GRID1: variants seen among roughly 807,000 people sequenced by gnomAD.
GRID1 encodes the protein glutamate receptor ionotropic, delta-1.
In GRID1, 28 loss-of-function variants were observed where a neutral mutation model predicts 98.0. The observed-to-expected ratio is 0.29, with a 90% CI of 0.21 to 0.39. The LOEUF (loss-of-function observed/expected upper bound fraction) is 0.39. GRID1 is among the 10% of genes least tolerant of loss of function. The pLI is 1.00. For missense variants in GRID1, 1,111 were observed against 1,340.5 expected (o/e 0.83, Z 2.67); for synonymous variants, 553 against 538.5 (o/e 1.03, Z -0.37).
At chr10:86,132,360 C>T (rs1248496399) in intron 4 of GRID1, among the ~76,000 whole-genome samples, 1 of 152,184 alleles carries the variant, frequency 6.6e-6, no homozygotes, top group African/African-American at 2.4e-5. Context: ...AGTTCCAAGC[C>T]CATCTGAACA....
rs114980493 is a variant in GRID1, at chr10:85,953,075, A to T, written c.727-36836T>A. Reference sequence around the variant, plus strand: ...GTATGTGTTAATTTTTTATATTATCAGTAAGGTTTCTTATCAACAGTAACC... The same window carrying T: ...GTATGTGTTAATTTTTTATATTATCTGTAAGGTTTCTTATCAACAGTAACC... On this transcript the variant is annotated intron_variant, in intron 4 of 15. Coordinates refer to ENST00000327946, the MANE Select transcript of GRID1 (RefSeq NM_017551.3). Among the ~76,000 whole-genome samples, 565 of 152,274 alleles carry T rather than the reference A, an allele frequency of 3.7e-3. 3 individuals are homozygous for T. Among genetic ancestry groups the T allele is most frequent in the African/African-American group, 0.013 (540 of 41,544 alleles).
At chr10:85,958,182 T>C (rs1291826985) in intron 4 of GRID1, among the ~76,000 whole-genome samples, 2 of 152,222 alleles carry the variant, frequency 1.3e-5, no homozygotes, top group African/African-American at 4.8e-5. Context: ...TTACTGCAGT[T>C]TGAATTTTAC....
At chr10:85,956,409 C>T (rs549963052) in intron 4 of GRID1, among the ~76,000 whole-genome samples, 1 of 152,348 alleles carries the variant, frequency 6.6e-6, no homozygotes, top group Non-Finnish European at 1.5e-5. Flanking sequence ...TGCCAATGCT[C>T]ATTCCTTTCA....
At chr10:85,932,413 A>G (rs936374362) in intron 4 of GRID1, among the ~76,000 whole-genome samples, 3 of 152,084 alleles carry the variant, frequency 2.0e-5, no homozygotes, top group African/African-American at 7.2e-5. Flanking sequence ...ATGGAGTCTC[A>G]TTATGTTACC....
intron 3 of GRID1, among the ~76,000 whole-genome samples, chr10:86,154,257 T>C (rs1418036912): frequency 6.6e-6 from 1 of 152,074 alleles, no homozygotes; most frequent in Non-Finnish European, 1.5e-5. Flanking sequence ...GCTTATGAAG[T>C]CCCTTCTTTG....
In GRID1 at chr10:85,619,986, T is replaced by G. The variant is rs780946417; in HGVS notation, c.2241A>C (p.Glu747Asp). The G allele has an allele frequency of 6.2e-7, 1 of 1,614,026 alleles. No homozygotes were observed. Among genetic ancestry groups the G allele is most frequent in the Non-Finnish European group, 8.5e-7 (1 of 1,179,858 alleles). ...AGTCGTCATCCGTCAGGGCTGCGTATTCCACCACGGCCACATCCCACAGGA... is the reference window on the plus strand; with the variant it reads ...AGTCGTCATCCGTCAGGGCTGCGTAGTCCACCACGGCCACATCCCACAGGA... Reference protein sequence around the residue: ...YAFLWDVAVVEYAALTDDDCS... With the variant: ...YAFLWDVAVVDYAALTDDDCS... Residue 747 changes from glutamate (E) to aspartate (D), a missense_variant, in exon 14 of 16, where the codon GAA becomes GAC. Physicochemically the swap from Glu to Asp is conservative, Grantham distance 45 (BLOSUM62 2). Transcript: ENST00000327946.
chr10:86,237,723 A>G (rs914980337), intron 2 of GRID1, among the ~76,000 whole-genome samples: 2 of 150,002 alleles, frequency 1.3e-5, no homozygotes, highest in Non-Finnish European at 3.0e-5. Flanking sequence ...AAAAGCATGT[A>G]GCACCTTCCC....
intron 12 of GRID1, among the ~76,000 whole-genome samples, chr10:85,654,979 CTG>C (rs1303801730): frequency 6.6e-6 from 1 of 152,214 alleles, no homozygotes; most frequent in Non-Finnish European, 1.5e-5. Context: ...GGTCAAATAA[CTG>C]TGGGCCAGGT....
chr10:85,704,032 T>G (rs1304027304), intron 12 of GRID1, among the ~76,000 whole-genome samples: 1 of 152,100 alleles, frequency 6.6e-6, no homozygotes, highest in East Asian at 1.9e-4. Flanking sequence ...GAAAATTATT[T>G]TCTTTAAGAA....
chr10:85,869,087 G>A lies in GRID1; in HGVS notation c.874C>T (p.Gln292Ter). The change falls in exon 6 of 16, where the codon CAG becomes TAG. Residue 292 changes from glutamine (Q) to a stop codon, truncating the protein, a stop_gained. Coordinates refer to ENST00000327946, the MANE Select transcript of GRID1 (RefSeq NM_017551.3). LOFTEE classifies it high-confidence loss of function. ...RQIFPSAKDN[Q>*]KCTRNNHRIS... The stretch of plus-strand genomic sequence containing the variant: ...CGGTGGTTGTTCCTCGTGCATTTCT[G>A]ATTGTCCTTTGCAGACGGAAAGATT... 6.2e-7 allele frequency: 1 copy of A among 1,614,030 alleles called. No individual in the cohort carries two copies. Among genetic ancestry groups the A allele is most frequent in the Non-Finnish European group, 8.5e-7 (1 of 1,179,896 alleles).
At chr10:85,946,650 C>T (rs948582444) in intron 4 of GRID1, among the ~76,000 whole-genome samples, 4 of 152,178 alleles carry the variant, frequency 2.6e-5, no homozygotes, top group African/African-American at 7.2e-5. Context: ...TGTCCCTGCT[C>T]CCAGGGCCAA....
rs144603852 is a variant in GRID1 at position 86,096,702 on chromosome 10, T to C, written c.726+42117A>G. On this transcript the variant is annotated intron_variant, in intron 4 of 15. Coordinates refer to ENST00000327946, the MANE Select transcript of GRID1 (RefSeq NM_017551.3). ...TTCACTGGTCTTACCATGTTACCCA[T>C]CATCTTGAAGCAGCCAGCTTGACAG... Among the ~76,000 whole-genome samples the C allele has an allele frequency of 1.9e-3, 294 of 152,334 alleles. 2 individuals are homozygous for C. Among genetic ancestry groups the C allele is most frequent in the Admixed American group, 3.7e-3 (56 of 15,304 alleles).
At chr10:86,045,913 G>T (rs1399511497) in intron 4 of GRID1, among the ~76,000 whole-genome samples, 1 of 152,128 alleles carries the variant, frequency 6.6e-6, no homozygotes, top group Non-Finnish European at 1.5e-5. Context: ...AAACTCTTGG[G>T]GAGATCTCTG....
At chr10:86,283,706 C>T (rs944335389) in intron 2 of GRID1, among the ~76,000 whole-genome samples, 6 of 151,448 alleles carry the variant, frequency 4.0e-5, no homozygotes, top group East Asian at 1.9e-4. Context: ...TGCCCTCACA[C>T]ACAACAGCAA....
chr10:85,844,109 C>A (rs2131773525), intron 8 of GRID1, among the ~76,000 whole-genome samples: 1 of 152,122 alleles, frequency 6.6e-6, no homozygotes, highest in South Asian at 2.1e-4. Flanking sequence ...ACACATGCAA[C>A]AACTTGGATG....
At chr10:86,175,223 C>T (rs902723515) in intron 3 of GRID1, among the ~76,000 whole-genome samples, 1 of 151,866 alleles carries the variant, frequency 6.6e-6, no homozygotes, top group Non-Finnish European at 1.5e-5. Flanking sequence ...AGGGAGTAGC[C>T]GCAGATAGAC....
intron 4 of GRID1, among the ~76,000 whole-genome samples, chr10:86,054,195 C>T (rs1053946606): frequency 6.6e-6 from 1 of 151,268 alleles, no homozygotes; most frequent in African/African-American, 2.4e-5. Flanking sequence ...GCCCAGAGTG[C>T]GATACCACAG....
intron 2 of GRID1, among the ~76,000 whole-genome samples, chr10:86,316,678 T>C (rs139636808): frequency 1.8e-3 from 269 of 151,938 alleles, no homozygotes; most frequent in African/African-American, 5.9e-3. Flanking sequence ...GCACTGTGAA[T>C]TTAAAGCCCC....
intron 4 of GRID1, among the ~76,000 whole-genome samples, chr10:85,991,437 T>A (rs559459971): frequency 6.6e-5 from 10 of 152,088 alleles, no homozygotes; most frequent in African/African-American, 2.4e-4. Context: ...TGGAGTAGAT[T>A]AATGTGCAAG....
Sources: gnomAD v4.1 joint callset for allele counts (sites outside exome capture counted in the v4.1 genomes callset) on GRCh38, gnomAD v4.1.1 for gene constraint, MANE v1.5 for transcripts, NCBI Gene and HGNC (gene_info 2026-07-23, HGNC 2026-07-21) for gene names.